Variants in SPRY3 observed in about 807,000 individuals in gnomAD.
The protein encoded by SPRY3 is sprouty RTK signaling antagonist 3.
SPRY3 carries 15 observed loss-of-function variants against 20.2 expected under a neutral mutation model. The observed-to-expected ratio is 0.74, with a 90% confidence interval of 0.50 to 1.14. The LOEUF (loss-of-function observed/expected upper bound fraction) is 1.14. SPRY3 is among the 50% of genes most tolerant of loss of function. The pLI, the probability that SPRY3 is intolerant of heterozygous loss-of-function variation, is 0.00. For synonymous variants in SPRY3, 143 were observed against 136.5 expected, an observed-to-expected ratio of 1.05 and a Z score of -0.33; for missense variants, 364 against 363.9, an observed-to-expected ratio of 1.00 and a Z score of 0.00.
chrX:155,625,442 C>T (rs2067885125), intron 1 of SPRY3, among the ~76,000 whole-genome samples: 1 of 111,491 alleles, frequency 9.0e-6, no homozygotes, highest in Non-Finnish European at 1.9e-5. Context: ...CAACAATTTT[C>T]CCCTGATATC....
At chrX:155,660,832 T>C (rs1427829842) in intron 2 of SPRY3, among the ~76,000 whole-genome samples, 2 of 110,172 alleles carry the variant, frequency 1.8e-5, no homozygotes, top group African/African-American at 3.3e-5. Flanking sequence ...TTATCTGACA[T>C]AAGTAGAGGT....
chrX:155,674,710 C>CT (rs1195954358), intron 2 of SPRY3, among the ~76,000 whole-genome samples: 52 of 109,324 alleles, frequency 4.8e-4, no homozygotes, highest in African/African-American at 7.3e-4. Flanking sequence ...TCCTCAAAGT[C>CT]TTTTTTTTTC....
At position 155,759,858 on chromosome X, in the gene SPRY3, G is replaced by A. The variant is rs191877058; in HGVS notation, c.-281-8104G>A. ...GAAGTAAGTAAGCCATTTAAATATAGTGCAGTACATGCTCTGACAACAGTT... is the reference window on the plus strand; with the variant it reads ...GAAGTAAGTAAGCCATTTAAATATAATGCAGTACATGCTCTGACAACAGTT... On this transcript the variant is annotated intron_variant, in intron 2 of 3. Transcript: ENST00000675360. 6.6e-5 allele frequency among the ~76,000 whole-genome samples: 10 copies of A among 152,180 alleles called. No individual in the cohort carries two copies. In the East Asian group the frequency reaches 1.9e-3, roughly 29 times the overall value.
At chrX:155,619,849 CA>C (rs1202505042) in intron 1 of SPRY3, among the ~76,000 whole-genome samples, 1 of 110,892 alleles carries the variant, frequency 9.0e-6, no homozygotes, top group Non-Finnish European at 1.9e-5. Flanking sequence ...CATAAAAACA[CA>C]AACAAACCCA....
chrX:155,723,352 C>A (rs757057170), intron 2 of SPRY3, among the ~76,000 whole-genome samples: 2 of 152,234 alleles, frequency 1.3e-5, no homozygotes, highest in East Asian at 3.9e-4. Flanking sequence ...CCTGAGGAAT[C>A]GCCACACTGT....
intron 2 of SPRY3, among the ~76,000 whole-genome samples, chrX:155,713,353 CAGATTGAGGTACTCCCTTT>C (rs1342051904): frequency 1.3e-5 from 2 of 152,004 alleles, no homozygotes; most frequent in African/African-American, 4.8e-5. Flanking sequence ...CTTTTTCTTT[CAGATTGAGGTACTCCCTTT>C]AGCATTTTTT....
chrX:155,769,141 T>C (rs1384930309), intron 3 of SPRY3, among the ~76,000 whole-genome samples: 8 of 152,302 alleles, frequency 5.3e-5, no homozygotes, highest in Non-Finnish European at 1.0e-4. Flanking sequence ...AACAAACATA[T>C]ACAAAGACAT....
At position 155,689,865 on chromosome X, in the gene SPRY3, G is replaced by C. The variant is rs2068098418; in HGVS notation, c.-282+32840G>C. On this transcript the variant is annotated intron_variant, in intron 2 of 3. Coordinates refer to ENST00000675360, the Ensembl canonical transcript of SPRY3. ...TATTTCTTATTTTCTGCTAGCCTTGGGGTTGGTTTGCTCTTGGTTCTCTAG... is the reference window on the plus strand; with the variant it reads ...TATTTCTTATTTTCTGCTAGCCTTGCGGTTGGTTTGCTCTTGGTTCTCTAG... 2.3e-5 allele frequency among the ~76,000 whole-genome samples: 2 copies of C among 86,638 alleles called. 1 individual carries two copies. The highest frequency in any genetic ancestry group is 1.1e-4 in the African/African-American group (2 of 17,927). 75.2% of individuals were successfully genotyped at this position (86,638 alleles called of 115,157 possible). A position where few individuals can be genotyped will look rare whatever the true frequency, so the allele number is the denominator to read the frequency against.
intron 2 of SPRY3, among the ~76,000 whole-genome samples, chrX:155,671,627 G>A (rs1282279351): frequency 9.0e-6 from 1 of 111,019 alleles, no homozygotes; most frequent in Non-Finnish European, 1.9e-5. Flanking sequence ...GATCCATGCT[G>A]TGCTCTGTTA....
intron 2 of SPRY3, among the ~76,000 whole-genome samples, chrX:155,714,915 A>G (rs1223670334): frequency 6.6e-6 from 1 of 151,628 alleles, no homozygotes; most frequent in Non-Finnish European, 1.5e-5. Context: ...CGTAAAGCCT[A>G]AGGACTTCCA....
At chrX:155,686,074 A>G (rs2068086941) in intron 2 of SPRY3, among the ~76,000 whole-genome samples, 1 of 111,963 alleles carries the variant, frequency 8.9e-6, no homozygotes, top group Non-Finnish European at 1.9e-5. Context: ...GCACCCGACC[A>G]TATTCCATTT....
At chrX:155,721,521 G>T (rs2091057772) in intron 2 of SPRY3, among the ~76,000 whole-genome samples, 1 of 152,050 alleles carries the variant, frequency 6.6e-6, no homozygotes, top group East Asian at 1.9e-4. Context: ...AACTCCCAAA[G>T]GTCAAGGATA....
chrX:155,694,232 T>A (rs769476401), intron 2 of SPRY3, among the ~76,000 whole-genome samples: 13 of 112,537 alleles, frequency 1.2e-4, no homozygotes, highest in African/African-American at 4.2e-4. Context: ...TTCAGACTAT[T>A]GTAATCTTTT....
intron 2 of SPRY3, among the ~76,000 whole-genome samples, chrX:155,761,189 A>G (rs2091302642): frequency 6.6e-6 from 1 of 152,172 alleles, no homozygotes; most frequent in African/African-American, 2.4e-5. Flanking sequence ...TGAATACTTT[A>G]AATTACCTAT....
At chrX:155,700,078 G>A (rs1028140597) in intron 2 of SPRY3, among the ~76,000 whole-genome samples, 1 of 103,300 alleles carries the variant, frequency 9.7e-6, no homozygotes, top group African/African-American at 3.5e-5. Flanking sequence ...AAAACAAAAT[G>A]GTTGTAAACA....
At chrX:155,768,561 G>A (rs1214299620) in intron 3 of SPRY3, among the ~76,000 whole-genome samples, 1 of 152,182 alleles carries the variant, frequency 6.6e-6, no homozygotes, top group Non-Finnish European at 1.5e-5. Context: ...GCTAGCCTCT[G>A]CTATTGGCTC....
intron 2 of SPRY3, among the ~76,000 whole-genome samples, chrX:155,718,147 G>T (rs2091034460): frequency 2.0e-5 from 3 of 151,922 alleles, no homozygotes; most frequent in Admixed American, 2.0e-4. Context: ...CCAGAGCCCT[G>T]TAATGTCCAG....
At chrX:155,763,326 T>G (rs2091311762) in intron 2 of SPRY3, among the ~76,000 whole-genome samples, 1 of 152,090 alleles carries the variant, frequency 6.6e-6, no homozygotes, top group African/African-American at 2.4e-5. Context: ...TGGTATCATA[T>G]TCAACTGAAA....
chrX:155,780,519 C>T (rs1023308318), downstream of SPRY3: 1 of 166,694 alleles, frequency 6.0e-6, no homozygotes, highest in Non-Finnish European at 1.5e-5. Flanking sequence ...TAATATCTAC[C>T]AATTATTTAG....
Sources: allele counts gnomAD v4.1 joint callset (sites outside exome capture counted in the v4.1 genomes callset), GRCh38; gene constraint gnomAD v4.1.1; transcripts MANE v1.5; gene names NCBI Gene and HGNC (gene_info 2026-07-23, HGNC 2026-07-21).